CDKN2B-AS1: variants seen among roughly 807,000 people sequenced by gnomAD.
The protein encoded by CDKN2B-AS1 is CDKN2B antisense RNA 1 (non-protein coding).
chr9:22,074,394 A>G (rs961146183), intron 4 of CDKN2B-AS1, among the ~76,000 whole-genome samples: 1 of 152,122 alleles, frequency 6.6e-6, no homozygotes, highest in Non-Finnish European at 1.5e-5. Flanking sequence ...TTTAAGGGGG[A>G]TTATAAAACT....
intron 1 of CDKN2B-AS1, among the ~76,000 whole-genome samples, chr9:22,033,293 T>C (rs1001353943): frequency 6.6e-6 from 1 of 152,192 alleles, no homozygotes; most frequent in Non-Finnish European, 1.5e-5. Flanking sequence ...GCTTCTGTTT[T>C]ACATGCACAA....
chr9:22,073,770 G>C lies in CDKN2B-AS1; in HGVS notation n.438+17383G>C, dbSNP rs537844607. ...TTTTAAAACCAGTGTTCCTTTGACT[G>C]TTCTTACTATTTCTATTTGAGAGTT... On this transcript the variant is annotated intron_variant and non_coding_transcript_variant, in intron 4 of 4. Coordinates refer to ENST00000650946, the Ensembl canonical transcript of CDKN2B-AS1. Among the ~76,000 whole-genome samples the C allele has an allele frequency of 3.3e-5, 5 of 151,872 alleles. No individual in the cohort carries two copies. The South Asian group carries it at 1.0e-3, about 32-fold the overall frequency.
chr9:21,997,041 A>C lies in CDKN2B-AS1; in HGVS notation n.29+1880A>C, dbSNP rs996710755. 6.6e-6 allele frequency among the ~76,000 whole-genome samples: 1 copy of C among 152,170 alleles called. No individual in the cohort carries two copies. The highest frequency in any genetic ancestry group is 1.5e-5 in the Non-Finnish European group (1 of 68,038). ...TATACACACCGTCATGGGGTTGCTT[A>C]ACAACAGGGATACATTCTCAGACAT... On this transcript the variant is annotated intron_variant and non_coding_transcript_variant, in intron 1 of 4. Transcript: ENST00000650946. The surrounding 1 kb of genome is among the most constrained non-coding windows in gnomAD (Gnocchi z 4.8).
intron 4 of CDKN2B-AS1, among the ~76,000 whole-genome samples, chr9:22,069,144 G>C (rs1187490494): frequency 1.3e-5 from 2 of 152,084 alleles, no homozygotes; most frequent in African/African-American, 4.8e-5. Context: ...GTGGGAAATG[G>C]GTAGGTCATA....
At chr9:22,008,909 A>G in intron 1 of CDKN2B-AS1, 1 of 1,612,870 alleles carries the variant, frequency 6.2e-7, no homozygotes, top group South Asian at 1.1e-5. Flanking sequence ...CCAGACCCTC[A>G]TCGCTGCCGC....
chr9:22,016,798 C>G (rs1318142795), intron 1 of CDKN2B-AS1, among the ~76,000 whole-genome samples: 5 of 152,148 alleles, frequency 3.3e-5, no homozygotes, highest in Admixed American at 1.3e-4. Context: ...AAAATTAATT[C>G]AAGATGGATT....
At chr9:22,091,550 G>T (rs1198156389) in intron 4 of CDKN2B-AS1, among the ~76,000 whole-genome samples, 1 of 152,150 alleles carries the variant, frequency 6.6e-6, no homozygotes, top group Non-Finnish European at 1.5e-5. Flanking sequence ...CACATCCCTT[G>T]CAAGTTGGAT....
Position 22,008,995 on chromosome 9 carries a change from T to C in CDKN2B-AS1, n.29+13834T>C, listed in dbSNP as rs761373705. On this transcript the variant is annotated intron_variant and non_coding_transcript_variant, in intron 1 of 4. Coordinates refer to ENST00000650946, the Ensembl canonical transcript of CDKN2B-AS1. The stretch of plus-strand genomic sequence containing the variant: ...GCGCAGCGGCCCGGATAATCCACCG[T>C]TGGCCGTAAACTTAACGACACTCTT... The C allele has an allele frequency of 6.2e-6, 10 of 1,613,320 alleles. No homozygotes were observed. In the Admixed American group the frequency reaches 6.7e-5, roughly 11 times the overall value.
At chr9:22,113,375 T>G (rs1266172179) in intron 4 of CDKN2B-AS1, among the ~76,000 whole-genome samples, 1 of 152,232 alleles carries the variant, frequency 6.6e-6, no homozygotes, top group Non-Finnish European at 1.5e-5. Flanking sequence ...CTGTAACTTC[T>G]TTTCTCTTCT....
In CDKN2B-AS1 at chr9:22,039,810, T is replaced by C. The variant is rs1378261454; in HGVS notation, n.30-6941T>C. Among the ~76,000 whole-genome samples the C allele has an allele frequency of 7.2e-5, 11 of 152,000 alleles. No individual in the cohort carries two copies. Among genetic ancestry groups the C allele is most frequent in the Non-Finnish European group, 1.2e-4 (8 of 67,952 alleles). On this transcript the variant is annotated intron_variant and non_coding_transcript_variant, in intron 1 of 4. Coordinates refer to ENST00000650946, the Ensembl canonical transcript of CDKN2B-AS1. The surrounding 1 kb of genome is among the most constrained non-coding windows in gnomAD (Gnocchi z 4.4). ...GAATTGTGTTCCCCCGAAATGACTA[T>C]GCTGAAGTCCTAACTCCTAGTGCTT... is the stretch of plus-strand genomic sequence containing the variant.
In CDKN2B-AS1 at chr9:22,005,570, GACTGCCGTCACCCAAGTGCTAATC is replaced by G; in HGVS notation, n.29+10416_29+10439del. On this transcript the variant is annotated intron_variant and non_coding_transcript_variant, in intron 1 of 4. Transcript: ENST00000650946. The surrounding 1 kb of genome is among the most constrained non-coding windows in gnomAD (Gnocchi z 4.9). ...CAGCAGACATTGGAGTGAACGCATCGACTGCCGTCACCCAAGTGCTAATCACTGCCTTCTCCCACTCAGCGCTGG... is the reference window on the plus strand; with the variant it reads ...CAGCAGACATTGGAGTGAACGCATCGACTGCCTTCTCCCACTCAGCGCTGG... 2.5e-6 allele frequency: 1 copy of G among 393,548 alleles called. No homozygotes were observed. The highest frequency in any genetic ancestry group is 4.4e-5 in the East Asian group (1 of 22,730). The allele number at this position is 393,548 out of a possible 1,614,324, so 24.4% of individuals were successfully genotyped here.
intron 4 of CDKN2B-AS1, among the ~76,000 whole-genome samples, chr9:22,085,204 A>G (rs1484355416): frequency 6.6e-6 from 1 of 152,224 alleles, no homozygotes; most frequent in Non-Finnish European, 1.5e-5. Flanking sequence ...AAAAAAGTTT[A>G]TCAGTTAATT....
intron 4 of CDKN2B-AS1, among the ~76,000 whole-genome samples, chr9:22,092,907 T>G (rs976646808): frequency 5.9e-5 from 9 of 152,186 alleles, no homozygotes; most frequent in Non-Finnish European, 1.3e-4. Context: ...TTCTTTTAAT[T>G]GTGATGTTAG....
chr9:22,057,529 C>T (rs1823622482), intron 4 of CDKN2B-AS1, among the ~76,000 whole-genome samples: 1 of 152,182 alleles, frequency 6.6e-6, no homozygotes, highest in South Asian at 2.1e-4. Context: ...ATAGTATTGG[C>T]CAGGTGTGGT....
chr9:22,102,502 C>T (rs1030909441), intron 4 of CDKN2B-AS1, among the ~76,000 whole-genome samples: 2 of 152,126 alleles, frequency 1.3e-5, no homozygotes, highest in Non-Finnish European at 2.9e-5. Flanking sequence ...GCCATGCTCT[C>T]GGCAGAGGCT....
intron 1 of CDKN2B-AS1, among the ~76,000 whole-genome samples, chr9:22,016,479 C>T (rs1230873354): frequency 2.6e-5 from 4 of 152,158 alleles, no homozygotes; most frequent in Admixed American, 1.3e-4. Flanking sequence ...AAAAGGAGCC[C>T]GCATTGCCAA....
chr9:21,998,954 T>C (rs1820805932), intron 1 of CDKN2B-AS1, among the ~76,000 whole-genome samples: 1 of 152,108 alleles, frequency 6.6e-6, no homozygotes, highest in Non-Finnish European at 1.5e-5. Context: ...AAATACATAA[T>C]CCAGTAAAAC....
intron 4 of CDKN2B-AS1, among the ~76,000 whole-genome samples, chr9:22,067,637 T>G (rs1015608629): frequency 1.3e-5 from 2 of 152,166 alleles, no homozygotes; most frequent in Non-Finnish European, 2.9e-5. Context: ...AAAACATCTT[T>G]TTCAAAGTAT....
chr9:22,012,671 G>C (rs1450162616), intron 1 of CDKN2B-AS1: 2 of 349,654 alleles, frequency 5.7e-6, no homozygotes, highest in Admixed American at 4.0e-5. Context: ...GAGAAACAGC[G>C]ACCTAACCTT....
Sources: allele counts gnomAD v4.1 joint callset (sites outside exome capture counted in the v4.1 genomes callset), GRCh38; gene constraint gnomAD v4.1.1; non-coding constraint Gnocchi (gnomAD v3.1); transcripts MANE v1.5; gene names NCBI Gene and HGNC (gene_info 2026-07-23, HGNC 2026-07-21).